AHI1: variants seen among roughly 807,000 people sequenced by gnomAD.
AHI1 encodes jouberin.
AHI1 carries 123 observed loss-of-function variants against 149.3 expected under a neutral mutation model. The observed-to-expected ratio is 0.82, with a 90% CI of 0.71 to 0.96. The LOEUF (loss-of-function observed/expected upper bound fraction) is 0.96. Ranked by LOEUF, AHI1 falls within the 40% of genes least tolerant of loss-of-function variation. The probability of loss-of-function intolerance (pLI) is 0.00; values close to 1 mark genes in which losing one functional copy is unlikely to be tolerated. For synonymous variants in AHI1, 475 were observed against 459.8 expected, an observed-to-expected ratio of 1.03 and a Z score of -0.42; for missense variants, 1,439 against 1,422.7, an observed-to-expected ratio of 1.01 and a Z score of -0.18.
At chr6:135,301,107 G>A (rs189164085) in intron 26 of AHI1, 14 of 985,184 alleles carry the variant, frequency 1.4e-5, no homozygotes, top group Admixed American at 1.2e-4. Context: ...CCTGAGCATC[G>A]GATACTTCCT....
intron 26 of AHI1, among the ~76,000 whole-genome samples, chr6:135,317,942 T>C (rs751273395): frequency 5.9e-5 from 9 of 152,228 alleles, no homozygotes; most frequent in Non-Finnish European, 1.2e-4. Context: ...ACAGTGCTTA[T>C]TAAACCTTTC....
Position 135,355,922 on chromosome 6 carries a change from CAAACAT to C in AHI1, c.3165+2204_3165+2209del, listed in dbSNP as rs1018634536. 7.9e-5 allele frequency among the ~76,000 whole-genome samples: 12 copies of C among 151,490 alleles called. 1 individual carries two copies. The highest frequency in any genetic ancestry group is 1.9e-4 in the East Asian group (1 of 5,152). On this transcript the variant is annotated intron_variant, in intron 24 of 28. Coordinates refer to ENST00000265602, the MANE Select transcript of AHI1 (RefSeq NM_001134831.2). Reference sequence around the variant, plus strand: ...TCAAAAAAACAAACAAACAAACAAACAAACATATCTTTCCCTTGAAAAGAGGTCTGA... The same window carrying C: ...TCAAAAAAACAAACAAACAAACAAACATCTTTCCCTTGAAAAGAGGTCTGA...
intron 15 of AHI1, chr6:135,435,296 G>A (rs1282691330): frequency 1.3e-5 from 2 of 152,146 alleles, no homozygotes; most frequent in African/African-American, 2.4e-5. Flanking sequence ...AGGAAAAAAT[G>A]TGTGCTTTAG....
intron 24 of AHI1, among the ~76,000 whole-genome samples, chr6:135,355,603 T>C (rs1447970060): frequency 1.3e-5 from 2 of 152,180 alleles, no homozygotes; most frequent in Non-Finnish European, 1.5e-5. Flanking sequence ...CAACTTGGAA[T>C]GTTAAGAAAC....
intron 13 of AHI1, among the ~76,000 whole-genome samples, chr6:135,446,748 A>C (rs1583275862): frequency 6.6e-6 from 1 of 152,202 alleles, no homozygotes; most frequent in East Asian, 1.9e-4. Flanking sequence ...TAAGCCACCC[A>C]GTCAGTGGTA....
intron 20 of AHI1, among the ~76,000 whole-genome samples, chr6:135,420,562 A>G (rs148988584): frequency 6.6e-6 from 1 of 152,106 alleles, no homozygotes; most frequent in Non-Finnish European, 1.5e-5. Context: ...CTTGCACTTT[A>G]ATGTTATGGA....
intron 22 of AHI1, among the ~76,000 whole-genome samples, chr6:135,400,213 A>G (rs1779830003): frequency 6.6e-6 from 1 of 152,208 alleles, no homozygotes; most frequent in South Asian, 2.1e-4. Context: ...GAAAAACACT[A>G]TTCTACTCAA....
rs377458159 is a variant in AHI1 at position 135,285,666 on chromosome 6, A to C, written c.3589-19T>G. The C allele has an allele frequency of 2.5e-6, 4 of 1,591,310 alleles. No individual in the cohort carries two copies. Among genetic ancestry groups the C allele is most frequent in the Non-Finnish European group, 3.4e-6 (4 of 1,164,614 alleles). The stretch of plus-strand genomic sequence containing the variant: ...TTCTTTACTGGAAAGAAAAATACAC[A>C]AAATGTACTAAATAAACTTGAATAA... On this transcript the variant is annotated intron_variant, in intron 28 of 28. Transcript: ENST00000265602.
At chr6:135,318,420 A>T in intron 26 of AHI1, 99 bp downstream of exon 26, 2 of 807,216 alleles carry the variant, frequency 2.5e-6, no homozygotes, top group Non-Finnish European at 4.0e-6. Flanking sequence ...AATAATGTGA[A>T]CAATGAAGGA....
rs754235345 is a variant in AHI1, at chr6:135,490,747, G to T, written c.11C>A (p.Ala4Asp). The T allele has an allele frequency of 6.2e-7, 1 of 1,612,452 alleles. No individual in the cohort carries two copies. The highest frequency in any genetic ancestry group is 8.5e-7 in the Non-Finnish European group (1 of 1,179,298). The change falls in exon 5 of 29, where the codon GCT (alanine) becomes GAT (aspartate). Residue 4 changes from alanine (A) to aspartate (D), a missense_variant and splice_region_variant. Transcript: ENST00000265602. Reference protein sequence around the residue: MPTAESEAKVKTKV... With the variant: MPTDESEAKVKTKV... ...GGTTTTTACTTTTGCTTCACTCTCA[G>T]CTACAAAAGATACAGCCATGTGATT... is the stretch of plus-strand genomic sequence containing the variant.
At chr6:135,437,363 T>C (rs1785568179) in intron 15 of AHI1, among the ~76,000 whole-genome samples, 1 of 152,200 alleles carries the variant, frequency 6.6e-6, no homozygotes, top group Non-Finnish European at 1.5e-5. Context: ...TAGTATGGCC[T>C]GGCATTGGAC....
chr6:135,387,832 T>C, intron 23 of AHI1: 1 of 1,433,436 alleles, frequency 7.0e-7, no homozygotes, highest in Non-Finnish European at 9.2e-7. Flanking sequence ...TTCAAAGTAT[T>C]AAATGTATTG....
At chr6:135,351,209 G>T (rs1039515905) in intron 24 of AHI1, among the ~76,000 whole-genome samples, 3 of 151,640 alleles carry the variant, frequency 2.0e-5, no homozygotes, top group African/African-American at 4.9e-5. Flanking sequence ...ACATTCATCA[G>T]GTTTCCTTGT....
intron 27 of AHI1, among the ~76,000 whole-genome samples, chr6:135,298,274 T>C (rs184052963): frequency 1.9e-3 from 281 of 149,950 alleles, no homozygotes; most frequent in African/African-American, 6.4e-3. Context: ...AAAGAGAATG[T>C]AACTTTACTA....
At chr6:135,492,405 C>A in intron 3 of AHI1, 114 bp from the exon 4 acceptor site, 1 of 1,330,492 alleles carries the variant, frequency 7.5e-7, no homozygotes, top group Non-Finnish European at 9.7e-7. Flanking sequence ...AAGTTTATAC[C>A]AATAAAGCTA....
intron 22 of AHI1, among the ~76,000 whole-genome samples, chr6:135,396,982 T>A (rs115259367): frequency 6.6e-6 from 1 of 151,852 alleles, no homozygotes; most frequent in African/African-American, 2.4e-5. Flanking sequence ...GAAAGACTTG[T>A]CATTCTTTTA....
chr6:135,419,515 TA>T (rs978281418), intron 20 of AHI1, among the ~76,000 whole-genome samples: 8 of 152,152 alleles, frequency 5.3e-5, no homozygotes, highest in African/African-American at 1.9e-4. Context: ...CATATGTTTT[TA>T]ATTTTCTAGT....
At chr6:135,427,384 C>T (rs907031234) in intron 19 of AHI1, 77 bp from the exon 20 acceptor site, 3 of 1,270,974 alleles carry the variant, frequency 2.4e-6, no homozygotes, top group Non-Finnish European at 3.3e-6. Context: ...GATTATTCTG[C>T]CATTTATTAG....
intron 24 of AHI1, among the ~76,000 whole-genome samples, chr6:135,324,992 C>T (rs530870836): frequency 2.6e-5 from 4 of 151,566 alleles, no homozygotes; most frequent in African/African-American, 4.8e-5. Context: ...TTACAACATG[C>T]GATGCAGGGT....
Sources: gnomAD v4.1 joint callset for allele counts (sites outside exome capture counted in the v4.1 genomes callset) on GRCh38, gnomAD v4.1.1 for gene constraint, MANE v1.5 for transcripts, NCBI Gene and HGNC (gene_info 2026-07-23, HGNC 2026-07-21) for gene names.